Variants in R3HCC1L observed in about 807,000 individuals in gnomAD.
R3HCC1L encodes R3H domain and coiled-coil containing 1 like, also known as coiled-coil domain-containing protein R3HCC1L.
A neutral mutation model predicts 59.9 loss-of-function variants in R3HCC1L; 51 were observed. That is an observed-to-expected ratio of 0.85 (90% CI 0.68 to 1.07). The LOEUF (loss-of-function observed/expected upper bound fraction) is 1.07, where lower values mean the gene tolerates loss of function less well. Among genes scored for constraint, R3HCC1L ranks in the 50% least tolerant of loss-of-function variants. The probability of loss-of-function intolerance (pLI) is 0.00; values close to 1 mark genes in which losing one functional copy is unlikely to be tolerated. For synonymous variants in R3HCC1L, 322 were observed against 315.2 expected, an observed-to-expected ratio of 1.02 and a Z score of -0.23; for missense variants, 965 against 933.0, an observed-to-expected ratio of 1.03 and a Z score of -0.45.
intron 4 of R3HCC1L, among the ~76,000 whole-genome samples, chr10:98,196,735 C>T (rs1851473617): frequency 6.6e-6 from 1 of 152,188 alleles, no homozygotes; most frequent in African/African-American, 2.4e-5. Context: ...AGGTTTCCTT[C>T]CTTCTACTCT....
At chr10:98,181,903 C>T (rs537851636) in intron 4 of R3HCC1L, among the ~76,000 whole-genome samples, 1 of 152,264 alleles carries the variant, frequency 6.6e-6, no homozygotes, top group South Asian at 2.1e-4. Flanking sequence ...ATTCTAGTTA[C>T]ATTTATCTAA....
chr10:98,147,483 C>T (rs73340461), intron 1 of R3HCC1L, among the ~76,000 whole-genome samples: 6,319 of 152,166 alleles, frequency 0.042, 420 homozygotes, highest in African/African-American at 0.14. Flanking sequence ...AAATCTTTGC[C>T]TAGATCAATG....
intron 4 of R3HCC1L, among the ~76,000 whole-genome samples, chr10:98,206,399 C>T (rs371650275): frequency 3.3e-5 from 5 of 149,454 alleles, no homozygotes; most frequent in Non-Finnish European, 7.4e-5. Context: ...GCTTTCAGCA[C>T]AGCATTTCAG....
intron 5 of R3HCC1L, among the ~76,000 whole-genome samples, chr10:98,225,218 A>C (rs1376972980): frequency 1.3e-5 from 2 of 152,316 alleles, no homozygotes; most frequent in East Asian, 3.9e-4. Context: ...TAATCAGTAC[A>C]TCAGATTGTA....
chr10:98,222,749 AG>A (rs1247301231), intron 5 of R3HCC1L, among the ~76,000 whole-genome samples: 8 of 152,130 alleles, frequency 5.3e-5, no homozygotes, highest in African/African-American at 1.9e-4. Context: ...TGAATCCAGG[AG>A]CTGGTTTTTT....
intron 5 of R3HCC1L, among the ~76,000 whole-genome samples, chr10:98,228,991 G>A (rs1856016197): frequency 6.6e-6 from 1 of 152,098 alleles, no homozygotes. Context: ...CTGTAGCCTT[G>A]TAGTATAGTT....
intron 4 of R3HCC1L, chr10:98,174,663 A>G (rs1394732986): frequency 2.0e-6 from 2 of 985,144 alleles, no homozygotes; most frequent in Non-Finnish European, 2.4e-6. Flanking sequence ...AGGAGCAGAC[A>G]ATGAGGCCAT....
At chr10:98,168,522 C>G (rs1464977354) in intron 4 of R3HCC1L, among the ~76,000 whole-genome samples, 1 of 152,148 alleles carries the variant, frequency 6.6e-6, no homozygotes, top group Non-Finnish European at 1.5e-5. Flanking sequence ...CTCCAAGATC[C>G]TACTGGAATC....
chr10:98,235,331 G>T, intron 7 of R3HCC1L, 94 bp from the exon 8 acceptor site: 2 of 1,039,442 alleles, frequency 1.9e-6, no homozygotes, highest in Non-Finnish European at 1.4e-6. Flanking sequence ...TGAAAAAAAA[G>T]CATAACATCT....
intron 1 of R3HCC1L, among the ~76,000 whole-genome samples, chr10:98,155,472 C>T (rs897986007): frequency 4.6e-5 from 7 of 151,856 alleles, no homozygotes; most frequent in Non-Finnish European, 5.9e-5. Flanking sequence ...ATGTTCTGTC[C>T]CTTTCGGTTG....
intron 4 of R3HCC1L, among the ~76,000 whole-genome samples, chr10:98,192,726 A>G (rs547042599): frequency 6.6e-6 from 1 of 152,178 alleles, no homozygotes; most frequent in Non-Finnish European, 1.5e-5. Context: ...AGGAGAATTG[A>G]TACCAATTCT....
At chr10:98,222,258 A>G (rs1261001363) in intron 5 of R3HCC1L, among the ~76,000 whole-genome samples, 1 of 152,132 alleles carries the variant, frequency 6.6e-6, no homozygotes, top group East Asian at 1.9e-4. Flanking sequence ...GAAGTTGCTT[A>G]TCAGCTTAAG....
chr10:98,238,099 A>G (rs1463737997), intron 9 of R3HCC1L, among the ~76,000 whole-genome samples: 1 of 152,218 alleles, frequency 6.6e-6, no homozygotes, highest in Non-Finnish European at 1.5e-5. Flanking sequence ...CTGTTTCTAT[A>G]GGCCTATAAT....
In R3HCC1L at chr10:98,159,215, A is replaced by T. The variant is rs1238886774; in HGVS notation, c.-213+3068A>T. Among the ~76,000 whole-genome samples, 3 of 152,186 alleles carry T rather than the reference A, an allele frequency of 2.0e-5. No individual in the cohort carries two copies. In the East Asian group the frequency reaches 5.8e-4, roughly 29 times the overall value. ...TTAATTAAGGTTATTCATTTTTGGC[A>T]GGAATACCGCAAAGTATTGTTATGC... On this transcript the variant is annotated intron_variant, in intron 2 of 9. Transcript: ENST00000298999.
chr10:98,185,272 A>G (rs1326436503), intron 4 of R3HCC1L, among the ~76,000 whole-genome samples: 1 of 152,152 alleles, frequency 6.6e-6, no homozygotes, highest in Non-Finnish European at 1.5e-5. Context: ...CCCTGTGCTC[A>G]GTGTTGGGGG....
At position 98,209,818 on chromosome 10, in the gene R3HCC1L, G is replaced by C; in HGVS notation, c.1704G>C (p.Glu568Asp). The change falls in exon 5 of 10, where the codon GAG becomes GAC. Residue 568 changes from glutamate (E) to aspartate (D), a missense_variant. Glu to Asp is a conservative substitution (Grantham distance 45). Coordinates refer to ENST00000298999, the MANE Select transcript of R3HCC1L (RefSeq NM_001351015.2). Reference sequence around the variant, plus strand: ...AAGCAACTGAAACTTCTCACACAGAGGGAATTACTGCCATTGAGGAGAGCT... The same window carrying C: ...AAGCAACTGAAACTTCTCACACAGACGGAATTACTGCCATTGAGGAGAGCT... ...EPKATETSHTEGITAIEESWE... is the reference protein window; with the variant it reads ...EPKATETSHTDGITAIEESWE... 1 of 1,613,848 alleles carries C rather than the reference G, an allele frequency of 6.2e-7. No individual in the cohort carries two copies. Among genetic ancestry groups the C allele is most frequent in the South Asian group, 1.1e-5 (1 of 91,028 alleles).
chr10:98,172,482 T>G (rs1009863258), intron 4 of R3HCC1L, among the ~76,000 whole-genome samples: 2 of 152,208 alleles, frequency 1.3e-5, no homozygotes, highest in African/African-American at 4.8e-5. Flanking sequence ...TTAATATTAC[T>G]GGGCTTCTGA....
At chr10:98,190,496 T>G (rs1171398166) in intron 4 of R3HCC1L, among the ~76,000 whole-genome samples, 1 of 152,206 alleles carries the variant, frequency 6.6e-6, no homozygotes, top group African/African-American at 2.4e-5. Context: ...ATATGCTGTT[T>G]AGAATAGTAT....
intron 4 of R3HCC1L, 108 bp from the exon 5 acceptor site, chr10:98,207,993 C>T: frequency 1.9e-6 from 2 of 1,072,194 alleles, no homozygotes; most frequent in Non-Finnish European, 2.6e-6. Flanking sequence ...CCACTGTACT[C>T]TAGCCTGGGT....
Sources: allele counts gnomAD v4.1 joint callset (sites outside exome capture counted in the v4.1 genomes callset), GRCh38; gene constraint gnomAD v4.1.1; transcripts MANE v1.5; gene names NCBI Gene and HGNC (gene_info 2026-07-23, HGNC 2026-07-21).